Variants in FREM1 observed in about 807,000 individuals in gnomAD.
The protein encoded by FREM1 is FRAS1 related extracellular matrix 1, also known as FRAS1-related extracellular matrix protein 1.
In FREM1, 220 loss-of-function variants were observed where a neutral mutation model predicts 210.1. The ratio of observed to expected loss-of-function variants is 1.05; its 90% CI spans 0.94 to 1.17. FREM1 has a LOEUF of 1.17. Among genes scored for constraint, FREM1 ranks in the 50% most tolerant of loss-of-function variants. The pLI is 0.00. For synonymous variants in FREM1, 1,189 were observed against 980.2 expected, an observed-to-expected ratio of 1.21 and a Z score of -3.98; for missense variants, 3,454 against 2,675.5, an observed-to-expected ratio of 1.29 and a Z score of -6.42.
chr9:14,771,087 C>T (rs1286011226), intron 25 of FREM1, among the ~76,000 whole-genome samples: 1 of 152,038 alleles, frequency 6.6e-6, no homozygotes, highest in South Asian at 2.1e-4. Context: ...AGAGGGCAGG[C>T]GTCAGGTCTT....
intron 1 of FREM1, among the ~76,000 whole-genome samples, chr9:14,894,679 A>T (rs1837401887): frequency 6.6e-6 from 1 of 152,214 alleles, no homozygotes; most frequent in African/African-American, 2.4e-5. Flanking sequence ...CTTTTCTATT[A>T]AGCTATTTAC....
At chr9:14,776,226 C>T (rs1848552329) in intron 24 of FREM1, 23 bp from the exon 25 acceptor site, 4 of 1,507,860 alleles carry the variant, frequency 2.7e-6, no homozygotes, top group Non-Finnish European at 3.5e-6. Flanking sequence ...GGCAAGGCAG[C>T]CTTCAGCATG....
At chr9:14,766,509 G>A (rs537924573) in intron 27 of FREM1, among the ~76,000 whole-genome samples, 3 of 152,204 alleles carry the variant, frequency 2.0e-5, no homozygotes, top group East Asian at 1.9e-4. Flanking sequence ...AAACAAGCAC[G>A]CAAGCTAGCT....
At chr9:14,898,279 G>C (rs1755070073) in intron 1 of FREM1, among the ~76,000 whole-genome samples, 1 of 152,172 alleles carries the variant, frequency 6.6e-6, no homozygotes, top group African/African-American at 2.4e-5. Context: ...GATACTATCT[G>C]TCAATGTAAA....
intron 1 of FREM1, among the ~76,000 whole-genome samples, chr9:14,885,151 C>G (rs975850306): frequency 1.3e-5 from 2 of 151,782 alleles, no homozygotes; most frequent in Admixed American, 1.3e-4. Context: ...GTCTCGATCT[C>G]CTGAGCTCGT....
intron 2 of FREM1, among the ~76,000 whole-genome samples, chr9:14,866,725 T>A (rs913223306): frequency 2.0e-5 from 3 of 152,206 alleles, no homozygotes; most frequent in Non-Finnish European, 1.5e-5. Flanking sequence ...AGAGGTACCA[T>A]ATTATCAATC....
intron 3 of FREM1, among the ~76,000 whole-genome samples, chr9:14,861,046 C>A (rs1217455922): frequency 1.3e-5 from 1 of 75,146 alleles, no homozygotes; most frequent in Non-Finnish European, 2.2e-5. Context: ...TACATATATA[C>A]ATATATACAT....
intron 1 of FREM1, among the ~76,000 whole-genome samples, chr9:14,893,825 T>C (rs1191302058): frequency 6.6e-6 from 1 of 151,176 alleles, no homozygotes; most frequent in Non-Finnish European, 1.5e-5. Context: ...TTTAAGCAAG[T>C]TGTGGAAGGT....
intron 1 of FREM1, among the ~76,000 whole-genome samples, chr9:14,897,046 AT>A (rs1251669710): frequency 6.6e-6 from 1 of 152,198 alleles, no homozygotes; most frequent in Non-Finnish European, 1.5e-5. Flanking sequence ...GACCTAAGAA[AT>A]TTTATGGTAA....
At chr9:14,860,770 T>TGCGC (rs1829866425) in intron 3 of FREM1, among the ~76,000 whole-genome samples, 1 of 110,554 alleles carries the variant, frequency 9.0e-6, no homozygotes, top group African/African-American at 4.1e-5. Flanking sequence ...TGCACATATA[T>TGCGC]ACACATATAT....
chr9:14,801,935 A>G, intron 19 of FREM1, 61 bp from the exon 20 acceptor site: 3 of 1,229,942 alleles, frequency 2.4e-6, no homozygotes, highest in Non-Finnish European at 3.5e-6. Flanking sequence ...CTTTCTTTGG[A>G]AAACTGCTTA....
intron 21 of FREM1, 62 bp from the exon 22 acceptor site, chr9:14,792,946 A>G: frequency 2.0e-6 from 2 of 995,188 alleles, no homozygotes; most frequent in Admixed American, 2.6e-5. Context: ...AGTAGGGGAC[A>G]CTTATATTGA....
intron 13 of FREM1, among the ~76,000 whole-genome samples, chr9:14,822,752 T>G (rs994868404): frequency 5.3e-5 from 8 of 152,320 alleles, no homozygotes; most frequent in African/African-American, 1.7e-4. Context: ...TTGATTCATT[T>G]TGGAAAATTA....
At chr9:14,848,565 T>C in intron 7 of FREM1, 100 bp downstream of exon 7, 1 of 566,340 alleles carries the variant, frequency 1.8e-6, no homozygotes. Context: ...AGTTGCCACA[T>C]GTATGACATA....
At position 14,851,284 on chromosome 9, in the gene FREM1, C is replaced by T. The variant is rs1239521140; in HGVS notation, c.1152G>A (p.Glu384=). 5.7e-6 allele frequency: 9 copies of T among 1,575,248 alleles called. No individual in the cohort carries two copies. The highest frequency in any genetic ancestry group is 4.5e-5 in the East Asian group (2 of 44,560). ...NSSHSERRHD[E]VELEVYDFFF... ...TGGAAGCTTTGTCTCTCCTTCTTACCTCATCATGTCTCCTCTCAGAATGGC... is the reference window on the plus strand; with the variant it reads ...TGGAAGCTTTGTCTCTCCTTCTTACTTCATCATGTCTCCTCTCAGAATGGC... The change falls in exon 6 of 37, where the codon GAG becomes GAA. Residue 384 remains glutamate, a splice_region_variant and synonymous_variant. Transcript: ENST00000380880.
At chr9:14,771,947 A>G (rs1307226615) in intron 25 of FREM1, among the ~76,000 whole-genome samples, 2 of 152,106 alleles carry the variant, frequency 1.3e-5, no homozygotes, top group African/African-American at 2.4e-5. Context: ...ATTTATCTAT[A>G]CATAATGTTT....
At chr9:14,905,315 T>A (rs1817502978) in intron 1 of FREM1, among the ~76,000 whole-genome samples, 1 of 152,210 alleles carries the variant, frequency 6.6e-6, no homozygotes, top group East Asian at 1.9e-4. Flanking sequence ...AATGAATATG[T>A]CCTTCCTTTG....
rs1279977645 is a variant in FREM1, at chr9:14,869,171, C to T, written c.-194G>A. 12 of 522,546 alleles carry T rather than the reference C, an allele frequency of 2.3e-5. No individual in the cohort carries two copies. The highest frequency in any genetic ancestry group is 4.1e-5 in the Non-Finnish European group (12 of 294,510). The allele number at this position is 522,546 out of a possible 1,614,324, so 32.4% of individuals were successfully genotyped here. A position where few individuals can be genotyped will look rare whatever the true frequency, so the allele number is the denominator to read the frequency against. On this transcript the variant is annotated 5_prime_UTR_variant, in exon 2 of 37. Transcript: ENST00000380880. ...GGGGGCCTTTCAGGCAATCCCAGGG[C>T]TTTTAATAAAACTCGCTGATCACTC...
intron 6 of FREM1, among the ~76,000 whole-genome samples, chr9:14,849,331 T>C (rs937528678): frequency 1.3e-5 from 2 of 152,238 alleles, no homozygotes; most frequent in African/African-American, 2.4e-5. Flanking sequence ...CAAGAAACCC[T>C]GATCTAGAGA....
Sources: gnomAD v4.1 joint callset for allele counts (sites outside exome capture counted in the v4.1 genomes callset) on GRCh38, gnomAD v4.1.1 for gene constraint, MANE v1.5 for transcripts, NCBI Gene and HGNC (gene_info 2026-07-23, HGNC 2026-07-21) for gene names.